The following CAMTA1 variants were observed in gnomAD, a reference collection of about 807,000 sequenced individuals.
CAMTA1 encodes calmodulin binding transcription activator 1, also known as calmodulin-binding transcription activator 1.
A neutral mutation model predicts 170.9 loss-of-function variants in CAMTA1; 27 were observed. The ratio of observed to expected loss-of-function variants is 0.16; its 90% CI spans 0.12 to 0.22. CAMTA1 has a LOEUF of 0.22. Ranked by LOEUF, CAMTA1 falls within the 10% of genes least tolerant of loss-of-function variation. The pLI, the probability that CAMTA1 is intolerant of heterozygous loss-of-function variation, is 1.00. For synonymous variants in CAMTA1, 833 were observed against 891.5 expected, an observed-to-expected ratio of 0.93 and a Z score of 1.17; for missense variants, 1,619 against 2,217.2, an observed-to-expected ratio of 0.73 and a Z score of 5.42.
At chr1:7,004,945 T>C (rs570375157) in intron 3 of CAMTA1, among the ~76,000 whole-genome samples, 22 of 152,252 alleles carry the variant, frequency 1.4e-4, no homozygotes, top group African/African-American at 4.6e-4. Context: ...TTTTTTTTTG[T>C]GTTTTTAGTA....
chr1:6,851,075 A>G (rs149444400), intron 3 of CAMTA1, among the ~76,000 whole-genome samples: 33 of 152,352 alleles, frequency 2.2e-4, no homozygotes, highest in Non-Finnish European at 3.5e-4. Context: ...CAGGCAGATG[A>G]GGATTTAAGA....
At chr1:7,457,004 C>T (rs1296339281) in intron 5 of CAMTA1, among the ~76,000 whole-genome samples, 1 of 150,378 alleles carries the variant, frequency 6.6e-6, no homozygotes, top group East Asian at 2.0e-4. Context: ...CCTCCTCCCT[C>T]CCATTCTTCC....
At chr1:7,104,649 T>G (rs1643401210) in intron 4 of CAMTA1, among the ~76,000 whole-genome samples, 1 of 152,150 alleles carries the variant, frequency 6.6e-6, no homozygotes, top group Admixed American at 6.6e-5. Context: ...TGTGCTCCTT[T>G]TAAACTTTCT....
chr1:7,098,651 G>C (rs1302721048), intron 4 of CAMTA1, among the ~76,000 whole-genome samples: 1 of 152,204 alleles, frequency 6.6e-6, no homozygotes, highest in Non-Finnish European at 1.5e-5. Context: ...CTTTATCCTA[G>C]TTAATCCCAG....
In CAMTA1 at chr1:7,044,750, C is replaced by T. The variant is rs898567234; in HGVS notation, c.235-46554C>T. ...TGCTTTGGGGAGGGAACTTACCCTG[C>T]GTGCAGTCCTCCTGCCCCCCTGCCT... On this transcript the variant is annotated intron_variant, in intron 3 of 22. Coordinates refer to ENST00000303635, the MANE Select transcript of CAMTA1 (RefSeq NM_015215.4). This position sits in a 1 kb window ranked among gnomAD's most constrained non-coding sequence, Gnocchi z 5.0. 4.6e-5 allele frequency among the ~76,000 whole-genome samples: 7 copies of T among 152,076 alleles called. No homozygotes were observed. Among genetic ancestry groups the T allele is most frequent in the Non-Finnish European group, 2.9e-5 (2 of 68,010 alleles).
At chr1:7,520,676 C>T (rs894450285) in intron 6 of CAMTA1, among the ~76,000 whole-genome samples, 1 of 152,020 alleles carries the variant, frequency 6.6e-6, no homozygotes, top group African/African-American at 2.4e-5. Context: ...CAGAGTTGGG[C>T]GGTGGGGAAC....
chr1:7,166,462 G>T (rs912661866), intron 4 of CAMTA1, among the ~76,000 whole-genome samples: 3 of 152,156 alleles, frequency 2.0e-5, no homozygotes, highest in Non-Finnish European at 4.4e-5. Flanking sequence ...TGTTTGTATT[G>T]ATTTATGGTC....
rs2094970322 is a variant in CAMTA1 at position 7,562,440 on chromosome 1, G to A, written c.511-77960G>A. ...TTAAGCTTTGTTTGCTGCGATGCTG[G>A]AACTTCTGCCTGGCTCTCCGCATTC... On this transcript the variant is annotated intron_variant, in intron 6 of 22. Transcript: ENST00000303635. This position sits in a 1 kb window ranked among gnomAD's most constrained non-coding sequence, Gnocchi z 4.8. Among the ~76,000 whole-genome samples, 1 of 152,174 alleles carries A rather than the reference G, an allele frequency of 6.6e-6. No individual in the cohort carries two copies. The highest frequency in any genetic ancestry group is 2.4e-5 in the African/African-American group (1 of 41,438).
At chr1:7,506,860 C>A (rs970549503) in intron 6 of CAMTA1, among the ~76,000 whole-genome samples, 1 of 151,970 alleles carries the variant, frequency 6.6e-6, no homozygotes, top group African/African-American at 2.4e-5. Context: ...ACACAGAATT[C>A]ACACTCGCTT....
intron 4 of CAMTA1, among the ~76,000 whole-genome samples, chr1:7,235,840 T>C (rs1663739980): frequency 6.6e-6 from 1 of 152,230 alleles, no homozygotes; most frequent in Non-Finnish European, 1.5e-5. Flanking sequence ...TTTGCCCTTA[T>C]TTTAATGAAA....
At chr1:7,625,639 T>C (rs1290816502) in intron 6 of CAMTA1, among the ~76,000 whole-genome samples, 1 of 152,272 alleles carries the variant, frequency 6.6e-6, no homozygotes, top group African/African-American at 2.4e-5. Context: ...TGCTCTCCTC[T>C]GCCATTCGCA....
At chr1:7,226,517 A>T (rs1661720163) in intron 4 of CAMTA1, among the ~76,000 whole-genome samples, 1 of 152,206 alleles carries the variant, frequency 6.6e-6, no homozygotes, top group South Asian at 2.1e-4. Flanking sequence ...ACACAGAAAG[A>T]TACAACAAAA....
intron 4 of CAMTA1, among the ~76,000 whole-genome samples, chr1:7,112,024 A>G (rs1193426066): frequency 6.6e-6 from 1 of 151,912 alleles, no homozygotes; most frequent in Non-Finnish European, 1.5e-5. Context: ...GCTGTCACGT[A>G]TCTCTGTTTC....
intron 3 of CAMTA1, among the ~76,000 whole-genome samples, chr1:6,964,805 G>C (rs562495887): frequency 6.6e-6 from 1 of 152,198 alleles, no homozygotes; most frequent in East Asian, 1.9e-4. Flanking sequence ...GTGAGATGCC[G>C]CCAGGGATTC....
In CAMTA1 at chr1:7,096,316, A is replaced by G. The variant is rs140969719; in HGVS notation, c.302+4945A>G. On this transcript the variant is annotated intron_variant, in intron 4 of 22. Coordinates refer to ENST00000303635, the MANE Select transcript of CAMTA1 (RefSeq NM_015215.4). ...AATGCCCAGATCTTTCCCCGCCCTGATGGTGGTGGACATCAAACTGTGATC... is the reference window on the plus strand; with the variant it reads ...AATGCCCAGATCTTTCCCCGCCCTGGTGGTGGTGGACATCAAACTGTGATC... 3.9e-4 allele frequency among the ~76,000 whole-genome samples: 59 copies of G among 152,076 alleles called. No individual in the cohort carries two copies. The Middle Eastern group carries it at 0.017, about 44-fold the overall frequency.
intron 3 of CAMTA1, among the ~76,000 whole-genome samples, chr1:6,951,386 A>G (rs1557875664): frequency 6.6e-6 from 1 of 152,190 alleles, no homozygotes; most frequent in Admixed American, 6.5e-5. Flanking sequence ...TTTGAGAACT[A>G]TTCCATATCT....
chr1:7,622,781 G>A (rs1049774770), intron 6 of CAMTA1, among the ~76,000 whole-genome samples: 2 of 152,276 alleles, frequency 1.3e-5, no homozygotes, highest in African/African-American at 2.4e-5. Context: ...CCAGCTCTGG[G>A]CCAGATGCCA....
rs2085564759 is a variant in CAMTA1, at chr1:7,361,852, G to A, written c.439-105978G>A. Among the ~76,000 whole-genome samples, 3 of 152,170 alleles carry A rather than the reference G, an allele frequency of 2.0e-5. No homozygotes were observed. The South Asian group carries it at 6.2e-4, about 32-fold the overall frequency. Reference sequence around the variant, plus strand: ...ATTCCTGTGTGTTAATCATCTTTGAGCCTCTGTTTCCTTTCCTCTCTTTCT... The same window carrying A: ...ATTCCTGTGTGTTAATCATCTTTGAACCTCTGTTTCCTTTCCTCTCTTTCT... On this transcript the variant is annotated intron_variant, in intron 5 of 22. Coordinates refer to ENST00000303635, the MANE Select transcript of CAMTA1 (RefSeq NM_015215.4).
At chr1:7,047,496 T>C (rs1705576563) in intron 3 of CAMTA1, among the ~76,000 whole-genome samples, 1 of 152,214 alleles carries the variant, frequency 6.6e-6, no homozygotes, top group African/African-American at 2.4e-5. Flanking sequence ...CCCTCCTCTC[T>C]TCCGCTTACC....
Sources: allele counts gnomAD v4.1 joint callset (sites outside exome capture counted in the v4.1 genomes callset), GRCh38; gene constraint gnomAD v4.1.1; non-coding constraint Gnocchi (gnomAD v3.1); transcripts MANE v1.5; gene names NCBI Gene and HGNC (gene_info 2026-07-23, HGNC 2026-07-21).